SPIDR: variants seen among roughly 807,000 people sequenced by gnomAD.
The protein encoded by SPIDR is DNA repair-scaffolding protein.
Under a neutral mutation model 104.6 loss-of-function variants are expected in SPIDR, and 93 were observed. That is an observed-to-expected ratio of 0.89 (90% CI 0.75 to 1.06). The LOEUF (loss-of-function observed/expected upper bound fraction) is 1.06. Among genes scored for constraint, SPIDR ranks in the 50% least tolerant of loss-of-function variants. The probability of loss-of-function intolerance (pLI) is 0.00; values close to 1 mark genes in which losing one functional copy is unlikely to be tolerated. For synonymous variants in SPIDR, 431 were observed against 416.9 expected (o/e 1.03, Z -0.41); for missense variants, 1,154 against 1,111.2 (o/e 1.04, Z -0.55).
chr8:47,495,527 T>G (rs966262072), intron 8 of SPIDR, among the ~76,000 whole-genome samples: 1 of 152,178 alleles, frequency 6.6e-6, no homozygotes, highest in African/African-American at 2.4e-5. Flanking sequence ...CCTGTACCCA[T>G]TAGCTACTAC....
intron 10 of SPIDR, among the ~76,000 whole-genome samples, chr8:47,647,642 GAGAGAGAGAGAGGGAGAGAGA>G (rs1563415837): frequency 6.8e-6 from 1 of 147,106 alleles, no homozygotes; most frequent in African/African-American, 2.5e-5. Context: ...GAGAGAGAGA[GAGAGAGAGAGAGGGAGAGAGA>G]GAGAGGGAGA....
chr8:47,460,236 G>A (rs2073723497), intron 8 of SPIDR, among the ~76,000 whole-genome samples: 1 of 152,084 alleles, frequency 6.6e-6, no homozygotes, highest in African/African-American at 2.4e-5. Flanking sequence ...GTGGAGTGTT[G>A]AAGTCCTCCA....
At chr8:47,631,095 A>G (rs1031472981) in intron 10 of SPIDR, among the ~76,000 whole-genome samples, 3 of 152,190 alleles carry the variant, frequency 2.0e-5, no homozygotes, top group Non-Finnish European at 4.4e-5. Flanking sequence ...TGAGGCCCTC[A>G]TCTCTGACCA....
Position 47,330,119 on chromosome 8 carries a change from A to G in SPIDR, c.525+36089A>G, listed in dbSNP as rs539725195. On this transcript the variant is annotated intron_variant, in intron 5 of 19. Transcript: ENST00000297423. ...GTATATTTTATCAGGTGGGTCTGCA[A>G]GCAATAATCAGTTTTTGTTTATCTA... 4.6e-5 allele frequency among the ~76,000 whole-genome samples: 7 copies of G among 152,224 alleles called. No homozygotes were observed. The East Asian group carries it at 1.3e-3, about 29-fold the overall frequency.
At chr8:47,355,929 T>C (rs182892894) in intron 5 of SPIDR, among the ~76,000 whole-genome samples, 82 of 152,344 alleles carry the variant, frequency 5.4e-4, no homozygotes, top group African/African-American at 1.8e-3. Context: ...AGAGCTGGGC[T>C]TGGGTATCAC....
intron 5 of SPIDR, among the ~76,000 whole-genome samples, chr8:47,354,479 A>T (rs1360501190): frequency 6.6e-6 from 1 of 151,694 alleles, no homozygotes; most frequent in Non-Finnish European, 1.5e-5. Flanking sequence ...TATTTAAATA[A>T]TTTTTTTTAA....
chr8:47,387,326 G>A (rs1443484846), intron 5 of SPIDR, among the ~76,000 whole-genome samples: 1 of 152,128 alleles, frequency 6.6e-6, no homozygotes, highest in African/African-American at 2.4e-5. Context: ...TAGGTGTACT[G>A]GGAAGTTGTT....
intron 5 of SPIDR, among the ~76,000 whole-genome samples, chr8:47,353,400 G>A (rs1160438645): frequency 6.6e-6 from 1 of 152,122 alleles, no homozygotes; most frequent in African/African-American, 2.4e-5. Context: ...GGCTTTCCAC[G>A]GAAGTGAGTC....
Position 47,340,645 on chromosome 8 carries a change from G to A in SPIDR, c.525+46615G>A, listed in dbSNP as rs184272261. Among the ~76,000 whole-genome samples, 17 of 152,224 alleles carry A rather than the reference G, an allele frequency of 1.1e-4. No individual in the cohort carries two copies. The East Asian group carries it at 3.3e-3, about 29-fold the overall frequency. ...AACCAAAAAAACCCCAAAAATCCTT[G>A]GAGTGTCTTTGTTGCGTAATTAGGT... is the stretch of plus-strand genomic sequence containing the variant. On this transcript the variant is annotated intron_variant, in intron 5 of 19. Coordinates refer to ENST00000297423, the MANE Select transcript of SPIDR (RefSeq NM_001080394.4).
intron 6 of SPIDR, among the ~76,000 whole-genome samples, chr8:47,397,784 C>A (rs1314014064): frequency 6.6e-6 from 1 of 152,128 alleles, no homozygotes; most frequent in African/African-American, 2.4e-5. Context: ...AGGAGGGTTT[C>A]GATTACTCTC....
chr8:47,309,678 AT>A (rs1554583611), intron 5 of SPIDR, among the ~76,000 whole-genome samples: 2 of 152,182 alleles, frequency 1.3e-5, no homozygotes, highest in African/African-American at 4.8e-5. Context: ...CTGTTTTCTG[AT>A]ATAAGAAGGA....
chr8:47,713,382 T>A (rs1298247721), intron 15 of SPIDR, 107 bp from the exon 16 acceptor site: 1 of 1,493,220 alleles, frequency 6.7e-7, no homozygotes, highest in Non-Finnish European at 9.2e-7. Flanking sequence ...GTCCCATAAC[T>A]GCACCTTCAC....
At chr8:47,279,066 T>G (rs972098992) in intron 1 of SPIDR, among the ~76,000 whole-genome samples, 12 of 151,982 alleles carry the variant, frequency 7.9e-5, no homozygotes, top group Admixed American at 5.9e-4. Flanking sequence ...AAAAAGTTTT[T>G]TTTTTTTTTT....
At chr8:47,350,095 A>G (rs545861704) in intron 5 of SPIDR, among the ~76,000 whole-genome samples, 3 of 152,334 alleles carry the variant, frequency 2.0e-5, no homozygotes, top group Non-Finnish European at 2.9e-5. Context: ...CTATTCAGCC[A>G]TCTTGGAATG....
At chr8:47,324,183 A>G (rs1252254345) in intron 5 of SPIDR, among the ~76,000 whole-genome samples, 1 of 152,172 alleles carries the variant, frequency 6.6e-6, no homozygotes, top group African/African-American at 2.4e-5. Flanking sequence ...ACATTTTTAT[A>G]TTACTTATAT....
At chr8:47,581,938 T>C (rs1016282806) in intron 8 of SPIDR, among the ~76,000 whole-genome samples, 1 of 151,946 alleles carries the variant, frequency 6.6e-6, no homozygotes, top group African/African-American at 2.4e-5. Flanking sequence ...ATACTGTGAC[T>C]GGGCATGGTG....
At chr8:47,638,339 T>C (rs1254510502) in intron 10 of SPIDR, among the ~76,000 whole-genome samples, 1 of 152,138 alleles carries the variant, frequency 6.6e-6, no homozygotes, top group African/African-American at 2.4e-5. Context: ...AGAGACAGGG[T>C]CTCACTATTG....
intron 8 of SPIDR, among the ~76,000 whole-genome samples, chr8:47,503,146 A>G (rs1255699578): frequency 1.3e-5 from 2 of 152,204 alleles, no homozygotes; most frequent in African/African-American, 2.4e-5. Flanking sequence ...GTAGATGCCT[A>G]TTAGTTCCGC....
intron 1 of SPIDR, among the ~76,000 whole-genome samples, chr8:47,274,002 A>G (rs2035859046): frequency 6.6e-6 from 1 of 152,130 alleles, no homozygotes; most frequent in African/African-American, 2.4e-5. Context: ...CCTTTTTGCT[A>G]AGTGACCCCA....
Sources: gnomAD v4.1 joint callset for allele counts (sites outside exome capture counted in the v4.1 genomes callset) on GRCh38, gnomAD v4.1.1 for gene constraint, MANE v1.5 for transcripts, NCBI Gene and HGNC (gene_info 2026-07-23, HGNC 2026-07-21) for gene names.